The following CKM variants were observed in gnomAD, a reference collection of about 807,000 sequenced individuals.
The protein encoded by CKM is creatine kinase, M-type.
In CKM, 28 loss-of-function variants were observed where a neutral mutation model predicts 35.4. The observed-to-expected ratio is 0.79, with a 90% confidence interval of 0.59 to 1.08. The LOEUF is 1.08. CKM is among the 50% of genes least tolerant of loss of function. CKM has a pLI of 0.00. For synonymous variants in CKM, 215 were observed against 204.4 expected, an observed-to-expected ratio of 1.05 and a Z score of -0.44; for missense variants, 484 against 509.8, an observed-to-expected ratio of 0.95 and a Z score of 0.49.
chr19:45,317,789 C>T (rs755082694), intron 3 of CKM, 36 bp downstream of exon 3: 1 of 1,612,506 alleles, frequency 6.2e-7, no homozygotes, highest in South Asian at 1.1e-5. Context: ...CTCTCCTCCT[C>T]ACCCCTCGGC....
chr19:45,311,811 G>A lies in CKM; in HGVS notation c.591C>T (p.Pro197=), dbSNP rs142896147. 1.9e-5 allele frequency: 30 copies of A among 1,611,284 alleles called. No homozygotes were observed. The highest frequency in any genetic ancestry group is 1.6e-4 in the East Asian group (7 of 44,860). ...CTGAGGCCAGCAGCAGCGGGGACACGGGCTTGTCGAACAGGAAGTGGTCAT... is the reference window on the plus strand; with the variant it reads ...CTGAGGCCAGCAGCAGCGGGGACACAGGCTTGTCGAACAGGAAGTGGTCAT... The part of the protein sequence containing the change: ...LIDDHFLFDK[P]VSPLLLASGM... Residue 197 remains proline, a synonymous_variant, in exon 5 of 8, where the codon CCC becomes CCT. Transcript: ENST00000221476.
intron 3 of CKM, among the ~76,000 whole-genome samples, chr19:45,317,193 C>T (rs1234093840): frequency 6.6e-6 from 1 of 151,980 alleles, no homozygotes; most frequent in Non-Finnish European, 1.5e-5. Flanking sequence ...CTGCAGCCTC[C>T]ATCTCCTGGG....
At chr19:45,309,554 T>G (rs1416594310) in intron 5 of CKM, among the ~76,000 whole-genome samples, 1 of 78,226 alleles carries the variant, frequency 1.3e-5, no homozygotes, top group African/African-American at 5.3e-5. Context: ...AGACCCTGTC[T>G]CAAAAAAAAA....
At chr19:45,317,619 G>C (rs944963681) in intron 3 of CKM, among the ~76,000 whole-genome samples, 1 of 147,656 alleles carries the variant, frequency 6.8e-6, no homozygotes, top group African/African-American at 2.5e-5. Flanking sequence ...ACAGAGTTTT[G>C]CCATGTTGGC....
intron 1 of CKM, 64 bp from the exon 2 acceptor site, chr19:45,319,795 C>CTT (rs372944853): frequency 9.9e-4 from 1,032 of 1,042,486 alleles, no homozygotes; most frequent in Non-Finnish European, 1.1e-3. Context: ...TCTTCTTCTT[C>CTT]TTTTTTTTTT....
rs1432272290 is a variant in CKM at position 45,308,318 on chromosome 19, G to T, written c.777+91C>A. 5 of 1,518,680 alleles carry T rather than the reference G, an allele frequency of 3.3e-6. No homozygotes were observed. The Admixed American group carries it at 6.8e-5, about 21-fold the overall frequency. 94.1% of individuals were successfully genotyped at this position (1,518,680 alleles called of 1,614,324 possible). A position where few individuals can be genotyped will look rare whatever the true frequency, so the allele number is the denominator to read the frequency against. ...GGGCCCTGGAAAATGGGTGGGGCAG[G>T]GCTTAGTATAGGGGAAGGGGCGGGG... On this transcript the variant is annotated intron_variant, in intron 6 of 7. Coordinates refer to ENST00000221476, the MANE Select transcript of CKM (RefSeq NM_001824.5).
intron 5 of CKM, among the ~76,000 whole-genome samples, chr19:45,311,390 C>G (rs932381914): frequency 6.6e-6 from 1 of 151,914 alleles, no homozygotes; most frequent in Non-Finnish European, 1.5e-5. Flanking sequence ...CCTGCCACTA[C>G]GCCCAGCTAA....
rs186020531 is a variant in CKM, at chr19:45,315,855, T to C, written c.349-258A>G. Among the ~76,000 whole-genome samples, 68 of 148,774 alleles carry C rather than the reference T, an allele frequency of 4.6e-4. 1 individual carries two copies. In the East Asian group the frequency reaches 0.013, roughly 28 times the overall value. On this transcript the variant is annotated intron_variant, in intron 3 of 7. Coordinates refer to ENST00000221476, the MANE Select transcript of CKM (RefSeq NM_001824.5). ...TCTTCGTATATTTCTTTTCCTTTTT[T>C]TTCTTCGAGACAGGGTCTCTCTCTG...
intron 4 of CKM, among the ~76,000 whole-genome samples, chr19:45,312,959 A>AG (rs1971124010): frequency 6.6e-6 from 1 of 151,780 alleles, no homozygotes; most frequent in South Asian, 2.1e-4. Flanking sequence ...GTCTAAAAAA[A>AG]AAAAAAAGAA....
intron 3 of CKM, among the ~76,000 whole-genome samples, chr19:45,317,026 C>T (rs1345308421): frequency 6.6e-6 from 1 of 151,616 alleles, no homozygotes; most frequent in East Asian, 1.9e-4. Flanking sequence ...CTTTCTTCTC[C>T]CTCTCCCTCT....
intron 3 of CKM, among the ~76,000 whole-genome samples, chr19:45,316,956 A>AT (rs1303866738): frequency 6.6e-6 from 1 of 151,900 alleles, no homozygotes; most frequent in Non-Finnish European, 1.5e-5. Context: ...AAGTGTTGGG[A>AT]TTACAAGCGT....
chr19:45,309,250 A>T (rs1292963348), intron 5 of CKM, among the ~76,000 whole-genome samples: 1 of 138,416 alleles, frequency 7.2e-6, no homozygotes, highest in East Asian at 2.2e-4. Flanking sequence ...AAAAAAGAAC[A>T]TAAAATATTA....
At chr19:45,310,511 A>T (rs1369268759) in intron 5 of CKM, among the ~76,000 whole-genome samples, 2 of 152,186 alleles carry the variant, frequency 1.3e-5, no homozygotes, top group African/African-American at 4.8e-5. Flanking sequence ...CCTATCCTAT[A>T]GCTAGGAAAC....
chr19:45,308,388 C>T (rs1230414955), intron 6 of CKM, 21 bp downstream of exon 6: 1 of 1,613,972 alleles, frequency 6.2e-7, no homozygotes, highest in East Asian at 2.2e-5. Flanking sequence ...CAGAAGTCAG[C>T]AGCTAAGGGC....
intron 4 of CKM, 22 bp downstream of exon 4, chr19:45,315,443 T>A: frequency 6.3e-7 from 1 of 1,597,186 alleles, no homozygotes. Flanking sequence ...ACCCCAGCAG[T>A]GGACGGGGTA....
intron 4 of CKM, among the ~76,000 whole-genome samples, chr19:45,314,357 CT>C (rs888488918): frequency 8.7e-5 from 13 of 149,894 alleles, no homozygotes; most frequent in East Asian, 2.0e-4. Context: ...AAGGTATGTA[CT>C]TTTTTTTTTC....
rs778746847 is a variant in CKM, at chr19:45,315,178, G to A, written c.481+287C>T. Among the ~76,000 whole-genome samples, 3 of 152,284 alleles carry A rather than the reference G, an allele frequency of 2.0e-5. No homozygotes were observed. The South Asian group carries it at 6.2e-4, about 32-fold the overall frequency. On this transcript the variant is annotated intron_variant, in intron 4 of 7. Coordinates refer to ENST00000221476, the MANE Select transcript of CKM (RefSeq NM_001824.5). ...AGGGACCCCTATCTCCCCACACAGG[G>A]CAAGAACCCCTGGAAATGTGTGCTG...
At chr19:45,315,689 GT>G (rs1183797857) in intron 3 of CKM, 92 bp from the exon 4 acceptor site, 9 of 1,524,484 alleles carry the variant, frequency 5.9e-6, no homozygotes, top group Non-Finnish European at 7.1e-6. Context: ...CAGTCTCCCT[GT>G]TGCTTCCTTT....
Position 45,317,985 on chromosome 19 carries a change from G to A in CKM, c.194-6C>T. The A allele has an allele frequency of 1.2e-6, 2 of 1,613,802 alleles. No individual in the cohort carries two copies. The highest frequency in any genetic ancestry group is 1.1e-5 in the South Asian group (1 of 91,050). ...GGTCATGATGAAGGGGTGACCTGGA[G>A]GGGTGGGGGTGAGGTCAGAGCTGCT... On this transcript the variant is annotated splice_region_variant and splice_polypyrimidine_tract_variant and intron_variant, in intron 2 of 7. Transcript: ENST00000221476.
Sources: allele counts gnomAD v4.1 joint callset (sites outside exome capture counted in the v4.1 genomes callset), GRCh38; gene constraint gnomAD v4.1.1; transcripts MANE v1.5; gene names NCBI Gene and HGNC (gene_info 2026-07-23, HGNC 2026-07-21).